The following ARHGAP32 variants were observed in gnomAD, a reference collection of about 807,000 sequenced individuals.
The protein encoded by ARHGAP32 is rho GTPase-activating protein 32.
Under a neutral mutation model 186.5 loss-of-function variants are expected in ARHGAP32, and 51 were observed. That is an observed-to-expected ratio of 0.27 (90% CI 0.22 to 0.35). The LOEUF (loss-of-function observed/expected upper bound fraction) is 0.35, where lower values mean the gene tolerates loss of function less well. Ranked by LOEUF, ARHGAP32 falls within the 10% of genes least tolerant of loss-of-function variation. The pLI is 1.00. For missense variants in ARHGAP32, 2,186 were observed against 2,623.5 expected (o/e 0.83, Z 3.64); for synonymous variants, 950 against 964.3 (o/e 0.99, Z 0.27).
chr11:129,179,817 A>T (rs1247675271), intron 1 of ARHGAP32, among the ~76,000 whole-genome samples: 3 of 151,914 alleles, frequency 2.0e-5, no homozygotes, highest in Non-Finnish European at 4.4e-5. Context: ...CGGGGGAGGG[A>T]TAGCATTGGG....
At chr11:129,055,649 G>A (rs1940220159) in intron 10 of ARHGAP32, among the ~76,000 whole-genome samples, 2 of 152,092 alleles carry the variant, frequency 1.3e-5, no homozygotes, top group South Asian at 4.2e-4. Flanking sequence ...AACCTTAAAT[G>A]CATATTACTA....
intron 1 of ARHGAP32, among the ~76,000 whole-genome samples, chr11:129,223,765 A>G (rs2135619051): frequency 6.6e-6 from 1 of 152,318 alleles, no homozygotes; most frequent in South Asian, 2.1e-4. Flanking sequence ...GAGAGAGCCA[A>G]AGAGATTTCT....
At chr11:129,087,364 G>C (rs1941438438) in intron 6 of ARHGAP32, among the ~76,000 whole-genome samples, 1 of 152,136 alleles carries the variant, frequency 6.6e-6, no homozygotes, top group Admixed American at 6.5e-5. Flanking sequence ...GTAGATGAAT[G>C]AATACATAAA....
chr11:128,984,206 T>C (rs1348534309), intron 15 of ARHGAP32, among the ~76,000 whole-genome samples: 2 of 151,888 alleles, frequency 1.3e-5, no homozygotes, highest in African/African-American at 4.8e-5. Flanking sequence ...AAACCCCAAC[T>C]CTACCAAAAA....
chr11:129,189,269 C>A (rs919691801), intron 1 of ARHGAP32, among the ~76,000 whole-genome samples: 6 of 152,098 alleles, frequency 3.9e-5, no homozygotes, highest in Non-Finnish European at 4.4e-5. Context: ...TTTTGTGCTA[C>A]CACTTGCAAA....
intron 1 of ARHGAP32, among the ~76,000 whole-genome samples, chr11:129,205,337 C>T (rs1259252278): frequency 1.3e-5 from 2 of 152,106 alleles, no homozygotes; most frequent in Non-Finnish European, 2.9e-5. Flanking sequence ...ACTGTTCTGA[C>T]TTTGCTTACT....
intron 11 of ARHGAP32, among the ~76,000 whole-genome samples, chr11:129,026,978 A>G (rs1380225359): frequency 6.6e-6 from 1 of 150,700 alleles, no homozygotes; most frequent in African/African-American, 2.5e-5. Context: ...GGGTGCCTGT[A>G]GTCCCAGCTA....
chr11:129,000,431 A>G (rs1221846118), intron 11 of ARHGAP32, among the ~76,000 whole-genome samples: 1 of 152,150 alleles, frequency 6.6e-6, no homozygotes, highest in African/African-American at 2.4e-5. Flanking sequence ...AAATCCCCCT[A>G]CTAAGTTTGC....
chr11:129,231,418 G>GT (rs1944857136), intron 1 of ARHGAP32, among the ~76,000 whole-genome samples: 1 of 152,076 alleles, frequency 6.6e-6, no homozygotes, highest in Admixed American at 6.6e-5. Context: ...ATTCTCAAAT[G>GT]TAAGTATGAT....
At chr11:129,131,979 G>A (rs1219410882) in intron 2 of ARHGAP32, among the ~76,000 whole-genome samples, 1 of 152,128 alleles carries the variant, frequency 6.6e-6, no homozygotes, top group Non-Finnish European at 1.5e-5. Context: ...TGCAGGATGT[G>A]CAGGTTTGTT....
chr11:129,231,609 T>A (rs924300220), intron 1 of ARHGAP32, among the ~76,000 whole-genome samples: 4 of 152,178 alleles, frequency 2.6e-5, no homozygotes, highest in African/African-American at 7.2e-5. Flanking sequence ...CACAACCACT[T>A]AAGAAAATCA....
At chr11:129,127,725 C>A (rs997269916) in intron 2 of ARHGAP32, among the ~76,000 whole-genome samples, 4 of 151,794 alleles carry the variant, frequency 2.6e-5, no homozygotes, top group South Asian at 2.1e-4. Context: ...TAAGAAAGTT[C>A]TTTTTTAGAA....
In ARHGAP32 at chr11:128,978,698, G is replaced by A. The variant is rs561330078; in HGVS notation, c.2122+72C>T. ...TTATGGAAGCAGATCATAACAATATGTGAAGAACGTGCCCAGAACAACCGA... is the reference window on the plus strand; with the variant it reads ...TTATGGAAGCAGATCATAACAATATATGAAGAACGTGCCCAGAACAACCGA... On this transcript the variant is annotated intron_variant, in intron 19 of 22. Coordinates refer to ENST00000682385, the MANE Select transcript of ARHGAP32 (RefSeq NM_001378024.1). 59 of 1,471,350 alleles carry A rather than the reference G, an allele frequency of 4.0e-5. No individual in the cohort carries two copies. The South Asian group carries it at 5.4e-4, about 14-fold the overall frequency. The allele number at this position is 1,471,350 out of a possible 1,614,324, so 91.1% of individuals were successfully genotyped here. A position where few individuals can be genotyped will look rare whatever the true frequency, so the allele number is the denominator to read the frequency against.
chr11:129,232,870 C>A (rs552529053), intron 1 of ARHGAP32, among the ~76,000 whole-genome samples: 1 of 152,164 alleles, frequency 6.6e-6, no homozygotes, highest in Non-Finnish European at 1.5e-5. Context: ...CTTTCCGCTA[C>A]CAGCCTGAGA....
At chr11:129,076,066 C>T (rs1565409887) in intron 6 of ARHGAP32, among the ~76,000 whole-genome samples, 1 of 152,132 alleles carries the variant, frequency 6.6e-6, no homozygotes, top group Admixed American at 6.5e-5. Context: ...TCATTATACA[C>T]TAATTATAAT....
At chr11:129,057,472 C>T (rs11221552) in intron 10 of ARHGAP32, among the ~76,000 whole-genome samples, 2 of 152,108 alleles carry the variant, frequency 1.3e-5, no homozygotes, top group South Asian at 4.2e-4. Context: ...CTATTATGGG[C>T]TAAAAATTGT....
At chr11:129,032,331 C>A (rs988624707) in intron 11 of ARHGAP32, among the ~76,000 whole-genome samples, 1 of 152,208 alleles carries the variant, frequency 6.6e-6, no homozygotes, top group Non-Finnish European at 1.5e-5. Flanking sequence ...CACCCACTCA[C>A]CTGCGTGCTG....
intron 5 of ARHGAP32, among the ~76,000 whole-genome samples, chr11:129,121,099 T>A (rs1430874635): frequency 1.3e-5 from 2 of 152,042 alleles, no homozygotes; most frequent in Non-Finnish European, 2.9e-5. Flanking sequence ...TGATAAAGAA[T>A]AAGAACTGAG....
chr11:129,061,148 A>C (rs1167729016), intron 10 of ARHGAP32, among the ~76,000 whole-genome samples: 2 of 152,202 alleles, frequency 1.3e-5, no homozygotes, highest in African/African-American at 4.8e-5. Flanking sequence ...ATGCTTATCA[A>C]ATTTCTAACA....
Sources: allele counts gnomAD v4.1 joint callset (sites outside exome capture counted in the v4.1 genomes callset), GRCh38; gene constraint gnomAD v4.1.1; transcripts MANE v1.5; gene names NCBI Gene and HGNC (gene_info 2026-07-23, HGNC 2026-07-21).